Variants in RNF220 observed in about 807,000 individuals in gnomAD.
RNF220 encodes E3 ubiquitin-protein ligase RNF220.
RNF220 carries 7 observed loss-of-function variants against 67.1 expected under a neutral mutation model. The ratio of observed to expected loss-of-function variants is 0.10; its 90% CI spans 0.06 to 0.20. RNF220 has a LOEUF of 0.20. Among genes scored for constraint, RNF220 ranks in the 10% least tolerant of loss-of-function variants. The pLI, the probability that RNF220 is intolerant of heterozygous loss-of-function variation, is 1.00. For synonymous variants in RNF220, 270 were observed against 283.2 expected, an observed-to-expected ratio of 0.95 and a Z score of 0.47; for missense variants, 565 against 740.3, an observed-to-expected ratio of 0.76 and a Z score of 2.75.
intron 2 of RNF220, among the ~76,000 whole-genome samples, chr1:44,610,080 C>T (rs895144247): frequency 2.6e-5 from 4 of 152,140 alleles, no homozygotes; most frequent in Non-Finnish European, 1.5e-5. Context: ...CACTCCGCGA[C>T]TGGGGCGGTG....
At chr1:44,443,978 C>A (rs1030962410) in intron 2 of RNF220, among the ~76,000 whole-genome samples, 4 of 152,180 alleles carry the variant, frequency 2.6e-5, no homozygotes, top group Non-Finnish European at 5.9e-5. Flanking sequence ...GTAATCCCAG[C>A]TACAGAGGAG....
At chr1:44,644,600 T>C (rs1362287125) in intron 8 of RNF220, 98 bp from the exon 9 acceptor site, 3 of 865,780 alleles carry the variant, frequency 3.5e-6, no homozygotes, top group African/African-American at 3.3e-5. Context: ...CTCTGGGCCT[T>C]ATCAGGTCCA....
chr1:44,444,587 C>T (rs751717635), intron 2 of RNF220, among the ~76,000 whole-genome samples: 6 of 150,560 alleles, frequency 4.0e-5, no homozygotes. Context: ...ACTACAGCCA[C>T]GCACCACCAC....
chr1:44,416,699 G>A (rs3906232), intron 2 of RNF220, among the ~76,000 whole-genome samples: 10,336 of 152,268 alleles, frequency 0.068, 440 homozygotes, highest in African/African-American at 0.1. Flanking sequence ...ATGGACCCTG[G>A]GCACTGACCA....
chr1:44,540,233 G>A (rs556077275), intron 2 of RNF220, among the ~76,000 whole-genome samples: 2 of 152,272 alleles, frequency 1.3e-5, no homozygotes, highest in Admixed American at 6.5e-5. Flanking sequence ...AGACCCCACA[G>A]CACAGGCAGA....
chr1:44,644,227 C>G (rs539206201), intron 8 of RNF220: 1 of 155,742 alleles, frequency 6.4e-6, no homozygotes, highest in Admixed American at 6.2e-5. Context: ...GGATGTTGGC[C>G]GGGGGTCCCA....
intron 2 of RNF220, among the ~76,000 whole-genome samples, chr1:44,488,202 C>A (rs1656503850): frequency 6.7e-6 from 1 of 148,708 alleles, no homozygotes; most frequent in African/African-American, 2.5e-5. Flanking sequence ...GTGGCACGAT[C>A]TCGGCTCACT....
intron 2 of RNF220, among the ~76,000 whole-genome samples, chr1:44,511,916 C>CGTGTGT (rs71728249): frequency 0.19 from 27,520 of 147,666 alleles, 2,742 homozygotes; most frequent in Non-Finnish European, 0.23. Context: ...CGTGTGTGTG[C>CGTGTGT]GTGTGTGTGT....
At chr1:44,515,765 T>C (rs906605706) in intron 2 of RNF220, among the ~76,000 whole-genome samples, 1 of 152,138 alleles carries the variant, frequency 6.6e-6, no homozygotes, top group Non-Finnish European at 1.5e-5. Flanking sequence ...GCTCCAAGAG[T>C]CTAGGAAACA....
chr1:44,586,138 G>C (rs2148356671), intron 2 of RNF220, among the ~76,000 whole-genome samples: 1 of 152,320 alleles, frequency 6.6e-6, no homozygotes, highest in South Asian at 2.1e-4. Context: ...TTAATGGGAA[G>C]AAATGAGGTG....
intron 2 of RNF220, among the ~76,000 whole-genome samples, chr1:44,429,464 T>C (rs1342262518): frequency 6.6e-6 from 1 of 152,204 alleles, no homozygotes; most frequent in Non-Finnish European, 1.5e-5. Context: ...TATTTAATCA[T>C]GCTGAGCTGC....
At chr1:44,635,963 G>C in intron 7 of RNF220, 67 bp from the exon 8 acceptor site, 1 of 1,610,384 alleles carries the variant, frequency 6.2e-7, no homozygotes, top group South Asian at 1.1e-5. Flanking sequence ...CTGTGCCTTC[G>C]TTGCAGACTG....
chr1:44,429,764 A>G (rs1423617952), intron 2 of RNF220, among the ~76,000 whole-genome samples: 1 of 152,232 alleles, frequency 6.6e-6, no homozygotes, highest in Non-Finnish European at 1.5e-5. Context: ...TGTGGTTGGT[A>G]GGCCTATAAG....
At chr1:44,405,938 T>A (rs1647286071) in intron 1 of RNF220, among the ~76,000 whole-genome samples, 1 of 152,126 alleles carries the variant, frequency 6.6e-6, no homozygotes, top group African/African-American at 2.4e-5. Flanking sequence ...TTTGTTCGGG[T>A]CGATATCGAG....
chr1:44,494,741 G>C (rs1657174865), intron 2 of RNF220, among the ~76,000 whole-genome samples: 1 of 152,104 alleles, frequency 6.6e-6, no homozygotes, highest in African/African-American at 2.4e-5. Flanking sequence ...GTAAAAAGAA[G>C]ACTTTTGCTC....
chr1:44,520,396 A>T (rs1040982738), intron 2 of RNF220, among the ~76,000 whole-genome samples: 3 of 152,044 alleles, frequency 2.0e-5, no homozygotes, highest in African/African-American at 7.2e-5. Context: ...AACAGGGGAC[A>T]TGGAGCTTGC....
At chr1:44,451,249 T>C (rs1332221633) in intron 2 of RNF220, among the ~76,000 whole-genome samples, 1 of 152,102 alleles carries the variant, frequency 6.6e-6, no homozygotes, top group East Asian at 1.9e-4. Flanking sequence ...GAGAGAATAT[T>C]CATTTACATA....
intron 2 of RNF220, among the ~76,000 whole-genome samples, chr1:44,584,584 C>T (rs1324181651): frequency 6.6e-6 from 1 of 152,226 alleles, no homozygotes; most frequent in African/African-American, 2.4e-5. Context: ...CTGGCTGTCC[C>T]TCAGTAGTTG....
intron 2 of RNF220, among the ~76,000 whole-genome samples, chr1:44,445,519 C>T (rs78952114): frequency 1.3e-5 from 2 of 152,114 alleles, no homozygotes; most frequent in Non-Finnish European, 1.5e-5. Context: ...ACTCCCTCCC[C>T]CTTCTTTACT....
Sources: gnomAD v4.1 joint callset for allele counts (sites outside exome capture counted in the v4.1 genomes callset) on GRCh38, gnomAD v4.1.1 for gene constraint, MANE v1.5 for transcripts, NCBI Gene and HGNC (gene_info 2026-07-23, HGNC 2026-07-21) for gene names.